VAV2: variants seen among roughly 807,000 people sequenced by gnomAD.
The protein encoded by VAV2 is guanine nucleotide exchange factor VAV2.
VAV2 carries 67 observed loss-of-function variants against 132.5 expected under a neutral mutation model. The ratio of observed to expected loss-of-function variants is 0.51; its 90% CI spans 0.42 to 0.62. The LOEUF (loss-of-function observed/expected upper bound fraction) is 0.62. VAV2 is among the 20% of genes least tolerant of loss of function. The probability of loss-of-function intolerance (pLI) is 0.00; values close to 1 mark genes in which losing one functional copy is unlikely to be tolerated. For missense variants in VAV2, 938 were observed against 1,153.6 expected (o/e 0.81, Z 2.71); for synonymous variants, 492 against 443.5 (o/e 1.11, Z -1.37).
intron 2 of VAV2, among the ~76,000 whole-genome samples, chr9:133,938,186 C>G (rs1840995312): frequency 6.6e-6 from 1 of 152,212 alleles, no homozygotes. Context: ...TGTTACTTCC[C>G]ATCAGCAGGT....
chr9:133,811,186 C>A, intron 5 of VAV2, among the ~76,000 whole-genome samples: 1 of 152,308 alleles, frequency 6.6e-6, no homozygotes, highest in South Asian at 2.1e-4. Context: ...CGAGACCCTT[C>A]GAGGACAAGC....
intron 1 of VAV2, among the ~76,000 whole-genome samples, chr9:133,988,885 G>C (rs562445202): frequency 1.4e-3 from 210 of 152,264 alleles, no homozygotes; most frequent in African/African-American, 3.9e-3. Context: ...GGCCAACATA[G>C]TGAAACGCCG....
chr9:133,849,424 G>A (rs1192901627), intron 3 of VAV2, among the ~76,000 whole-genome samples: 1 of 152,190 alleles, frequency 6.6e-6, no homozygotes, highest in Non-Finnish European at 1.5e-5. Flanking sequence ...CGGCCTCCAG[G>A]GAGTGCAGGC....
At chr9:133,895,775 G>A (rs1025092213) in intron 2 of VAV2, among the ~76,000 whole-genome samples, 10 of 152,132 alleles carry the variant, frequency 6.6e-5, no homozygotes, top group African/African-American at 1.9e-4. Context: ...CACTTCAAAC[G>A]GGCGAACCCC....
In VAV2 at chr9:133,885,998, G is replaced by A. The variant is rs1311248257; in HGVS notation, c.322-24566C>T. 2.6e-5 allele frequency among the ~76,000 whole-genome samples: 4 copies of A among 152,208 alleles called. No individual in the cohort carries two copies. Among genetic ancestry groups the A allele is most frequent in the Admixed American group, 6.5e-5 (1 of 15,290 alleles). ...TGTTACAAATCCCAGAGAGAGAAGC[G>A]TGTGCAGGAGACTGGTCTGGTCCCA... On this transcript the variant is annotated intron_variant, in intron 2 of 29. Coordinates refer to ENST00000371850, the MANE Select transcript of VAV2 (RefSeq NM_001134398.2). This position sits in a 1 kb window ranked among gnomAD's most constrained non-coding sequence, Gnocchi z 5.0.
intron 2 of VAV2, among the ~76,000 whole-genome samples, chr9:133,888,599 G>C (rs900899702): frequency 1.3e-5 from 2 of 152,304 alleles, no homozygotes; most frequent in Admixed American, 6.5e-5. Flanking sequence ...GACGGATGCA[G>C]CTCTGGGAAG....
intron 20 of VAV2, 50 bp from the exon 21 acceptor site, chr9:133,779,989 C>T: frequency 6.2e-7 from 1 of 1,609,474 alleles, no homozygotes; most frequent in Non-Finnish European, 8.5e-7. Flanking sequence ...TGCTCTTTGA[C>T]TGTGGCCCAT....
At chr9:133,895,430 T>G (rs2131990540) in intron 2 of VAV2, among the ~76,000 whole-genome samples, 1 of 152,286 alleles carries the variant, frequency 6.6e-6, no homozygotes, top group Middle Eastern at 3.4e-3. Context: ...CAAATGTCCG[T>G]CAACAGATGA....
chr9:133,929,566 G>A (rs1206329565), intron 2 of VAV2, among the ~76,000 whole-genome samples: 1 of 152,120 alleles, frequency 6.6e-6, no homozygotes, highest in Non-Finnish European at 1.5e-5. Flanking sequence ...AAGAGGAGAG[G>A]AATAGAAGTG....
intron 2 of VAV2, among the ~76,000 whole-genome samples, chr9:133,924,296 C>T (rs1840395527): frequency 6.6e-6 from 1 of 152,142 alleles, no homozygotes; most frequent in African/African-American, 2.4e-5. Flanking sequence ...CATCCTCCTG[C>T]CTTAGCCTCC....
Position 133,764,214 on chromosome 9 carries a change from G to A in VAV2, c.2590-105C>T. The A allele has an allele frequency of 4.9e-6, 7 of 1,435,696 alleles. No homozygotes were observed. In the South Asian group the frequency reaches 8.4e-5, roughly 17 times the overall value. The allele number at this position is 1,435,696 out of a possible 1,614,324, so 88.9% of individuals were successfully genotyped here. A position where few individuals can be genotyped will look rare whatever the true frequency, so the allele number is the denominator to read the frequency against. On this transcript the variant is annotated intron_variant, in intron 29 of 29. Transcript: ENST00000371850. ...GGCAAGTAGAGGCTCATGAAGATGG[G>A]GGGCCCTTCGGAAGTCCAGAGTTCT...
chr9:133,785,998 G>A, intron 16 of VAV2, 113 bp from the exon 17 acceptor site: 1 of 875,226 alleles, frequency 1.1e-6, no homozygotes, highest in Non-Finnish European at 1.8e-6. Context: ...ATGCATATGT[G>A]CACAGGTGCC....
chr9:133,898,566 C>A (rs1230218311), intron 2 of VAV2, among the ~76,000 whole-genome samples: 2 of 152,072 alleles, frequency 1.3e-5, no homozygotes. Context: ...TGTACTCCAG[C>A]CTGGGCGACA....
At chr9:133,782,741 A>G (rs569138470) in intron 19 of VAV2, among the ~76,000 whole-genome samples, 3 of 152,334 alleles carry the variant, frequency 2.0e-5, no homozygotes, top group Non-Finnish European at 2.9e-5. Context: ...AGCTCTGCTA[A>G]TAAGTGTAGA....
At chr9:133,988,088 G>A (rs1020591136) in intron 1 of VAV2, among the ~76,000 whole-genome samples, 6 of 152,354 alleles carry the variant, frequency 3.9e-5, no homozygotes, top group Admixed American at 3.3e-4. Context: ...GAAGCCAGGG[G>A]AAATTCTGGA....
At chr9:133,807,617 G>A (rs1055435776) in intron 7 of VAV2, among the ~76,000 whole-genome samples, 3 of 152,230 alleles carry the variant, frequency 2.0e-5, no homozygotes, top group African/African-American at 7.2e-5. Context: ...CCTGAGGTGG[G>A]CGTTGGGGTT....
chr9:133,917,536 T>C (rs908814832), intron 2 of VAV2, among the ~76,000 whole-genome samples: 12 of 150,200 alleles, frequency 8.0e-5, no homozygotes, highest in Admixed American at 8.0e-4. Flanking sequence ...CTTATGCCAC[T>C]GAAAATGTCA....
intron 1 of VAV2, among the ~76,000 whole-genome samples, chr9:133,970,679 G>C (rs1197229769): frequency 6.6e-6 from 1 of 152,172 alleles, no homozygotes; most frequent in African/African-American, 2.4e-5. Context: ...CTACCAACAA[G>C]AAAGCTGCCT....
rs1175489077 is a variant in VAV2, at chr9:133,879,777, G to A, written c.322-18345C>T. On this transcript the variant is annotated intron_variant, in intron 2 of 29. Coordinates refer to ENST00000371850, the MANE Select transcript of VAV2 (RefSeq NM_001134398.2). The surrounding 1 kb of genome is among the most constrained non-coding windows in gnomAD (Gnocchi z 4.4). Reference sequence around the variant, plus strand: ...TCCGATCTGTGCAATGTGAGCCCCTGCAGGAAAAAAGTCTAAAGTGATTTT... The same window carrying A: ...TCCGATCTGTGCAATGTGAGCCCCTACAGGAAAAAAGTCTAAAGTGATTTT... Among the ~76,000 whole-genome samples the A allele has an allele frequency of 6.6e-6, 1 of 152,046 alleles. No individual in the cohort carries two copies. Among genetic ancestry groups the A allele is most frequent in the African/African-American group, 2.4e-5 (1 of 41,394 alleles).
Sources: allele counts gnomAD v4.1 joint callset (sites outside exome capture counted in the v4.1 genomes callset), GRCh38; gene constraint gnomAD v4.1.1; non-coding constraint Gnocchi (gnomAD v3.1); transcripts MANE v1.5; gene names NCBI Gene and HGNC (gene_info 2026-07-23, HGNC 2026-07-21).